Variants in ADAMTSL1 observed in about 807,000 individuals in gnomAD.
ADAMTSL1 encodes the protein ADAMTS-like protein 1.
In ADAMTSL1, 126 loss-of-function variants were observed where a neutral mutation model predicts 201.8. That is an observed-to-expected ratio of 0.62 (90% CI 0.54 to 0.72). ADAMTSL1 has a LOEUF of 0.72. ADAMTSL1 is among the 30% of genes least tolerant of loss of function. ADAMTSL1 has a pLI of 0.00. For missense variants in ADAMTSL1, 2,679 were observed against 2,277.8 expected (o/e 1.18, Z -3.59); for synonymous variants, 1,121 against 903.4 (o/e 1.24, Z -4.32).
intron 1 of ADAMTSL1, among the ~76,000 whole-genome samples, chr9:18,063,583 G>T (rs1006585060): frequency 1.3e-5 from 2 of 152,172 alleles, no homozygotes; most frequent in African/African-American, 4.8e-5. Flanking sequence ...TTAGCGAAGC[G>T]AATGCAGGGA....
At chr9:18,529,699 A>G (rs770368385) in intron 2 of ADAMTSL1, among the ~76,000 whole-genome samples, 17 of 152,182 alleles carry the variant, frequency 1.1e-4, no homozygotes, top group Admixed American at 4.6e-4. Flanking sequence ...ATAGTTCACA[A>G]TTTGATAATG....
chr9:18,382,636 C>T (rs1012502751), intron 2 of ADAMTSL1, among the ~76,000 whole-genome samples: 1 of 151,912 alleles, frequency 6.6e-6, no homozygotes, highest in African/African-American at 2.4e-5. Flanking sequence ...AAATCCAGAG[C>T]CTGTTTAGAG....
chr9:18,162,611 G>T (rs1221107148), intron 1 of ADAMTSL1, among the ~76,000 whole-genome samples: 1 of 151,880 alleles, frequency 6.6e-6, no homozygotes, highest in Non-Finnish European at 1.5e-5. Context: ...CATTATATAT[G>T]TTATAGAAGA....
chr9:18,230,551 A>G (rs1830610349), intron 2 of ADAMTSL1, among the ~76,000 whole-genome samples: 1 of 152,138 alleles, frequency 6.6e-6, no homozygotes, highest in Non-Finnish European at 1.5e-5. Context: ...TGGCTGCCTA[A>G]TAAATAAATT....
At chr9:18,540,064 A>G (rs1355619829) in intron 3 of ADAMTSL1, among the ~76,000 whole-genome samples, 2 of 152,216 alleles carry the variant, frequency 1.3e-5, no homozygotes, top group Non-Finnish European at 2.9e-5. Flanking sequence ...GCTGAGCTTT[A>G]AAAGATGAAA....
intron 4 of ADAMTSL1, among the ~76,000 whole-genome samples, chr9:18,615,936 G>C (rs1259571607): frequency 1.3e-5 from 2 of 152,144 alleles, no homozygotes; most frequent in African/African-American, 4.8e-5. Context: ...AATTTTGCCA[G>C]CCCTGCCCTA....
chr9:18,539,410 A>G (rs1819992160), intron 3 of ADAMTSL1, among the ~76,000 whole-genome samples: 1 of 152,206 alleles, frequency 6.6e-6, no homozygotes, highest in African/African-American at 2.4e-5. Context: ...ACCATGTCTG[A>G]TTCTTTCACC....
intron 14 of ADAMTSL1, among the ~76,000 whole-genome samples, chr9:18,715,965 T>C (rs1832901503): frequency 6.6e-6 from 1 of 151,004 alleles, no homozygotes; most frequent in Non-Finnish European, 1.5e-5. Context: ...TTGAAAAACC[T>C]GAGAAAAACA....
At chr9:18,368,049 G>T (rs533934599) in intron 2 of ADAMTSL1, among the ~76,000 whole-genome samples, 1 of 151,110 alleles carries the variant, frequency 6.6e-6, no homozygotes, top group African/African-American at 2.4e-5. Context: ...ACAGGCGCCC[G>T]CCACCACGCC....
At chr9:17,932,290 G>A (rs553376209) in intron 1 of ADAMTSL1, among the ~76,000 whole-genome samples, 4 of 152,266 alleles carry the variant, frequency 2.6e-5, no homozygotes, top group East Asian at 1.9e-4. Flanking sequence ...ATTCCAGGGC[G>A]GTTGGCCACC....
At chr9:18,036,023 T>C (rs1360176551) in intron 1 of ADAMTSL1, among the ~76,000 whole-genome samples, 1 of 152,098 alleles carries the variant, frequency 6.6e-6, no homozygotes, top group Non-Finnish European at 1.5e-5. Flanking sequence ...GAGATGAGTG[T>C]TTTGTTCCAG....
chr9:18,179,459 A>G (rs537501165), intron 2 of ADAMTSL1, among the ~76,000 whole-genome samples: 1 of 152,318 alleles, frequency 6.6e-6, no homozygotes, highest in East Asian at 1.9e-4. Context: ...TCTGCAGGAT[A>G]TTATCCAGGA....
At chr9:18,675,117 G>A (rs1830061558) in intron 9 of ADAMTSL1, among the ~76,000 whole-genome samples, 1 of 152,092 alleles carries the variant, frequency 6.6e-6, no homozygotes, top group Non-Finnish European at 1.5e-5. Flanking sequence ...GGTCCTAGAG[G>A]TACTAACAAG....
At chr9:18,645,105 T>C (rs1587782233) in intron 7 of ADAMTSL1, among the ~76,000 whole-genome samples, 1 of 152,196 alleles carries the variant, frequency 6.6e-6, no homozygotes, top group Non-Finnish European at 1.5e-5. Context: ...TGGTATCTCA[T>C]TGTGGTTTTG....
At chr9:18,100,636 CT>C (rs1398054149) in intron 1 of ADAMTSL1, among the ~76,000 whole-genome samples, 1 of 152,008 alleles carries the variant, frequency 6.6e-6, no homozygotes, top group Admixed American at 6.6e-5. Flanking sequence ...CTTTGTTTTC[CT>C]TTTTCTGTGA....
chr9:18,461,685 C>T (rs1016295597), intron 2 of ADAMTSL1, among the ~76,000 whole-genome samples: 7 of 152,158 alleles, frequency 4.6e-5, no homozygotes, highest in Admixed American at 6.5e-5. Flanking sequence ...CAGCGCAGAC[C>T]TCAGGAGTGA....
intron 1 of ADAMTSL1, among the ~76,000 whole-genome samples, chr9:18,141,446 G>A (rs1466916410): frequency 2.6e-5 from 4 of 152,032 alleles, no homozygotes; most frequent in East Asian, 3.9e-4. Flanking sequence ...ACAGGGCCTC[G>A]ATTCAAGATT....
intron 23 of ADAMTSL1, among the ~76,000 whole-genome samples, chr9:18,872,131 C>G (rs1827903093): frequency 6.6e-6 from 1 of 150,878 alleles, no homozygotes; most frequent in Admixed American, 6.6e-5. Flanking sequence ...TATCCCTGCT[C>G]TCTGCCTGTA....
At chr9:18,337,026 G>C (rs1586916652) in intron 2 of ADAMTSL1, among the ~76,000 whole-genome samples, 3 of 152,210 alleles carry the variant, frequency 2.0e-5, no homozygotes, top group South Asian at 4.1e-4. Flanking sequence ...TGATTGGATT[G>C]AAGGCTGCAA....
Sources: allele counts gnomAD v4.1 joint callset (sites outside exome capture counted in the v4.1 genomes callset), GRCh38; gene constraint gnomAD v4.1.1; transcripts MANE v1.5; gene names NCBI Gene and HGNC (gene_info 2026-07-23, HGNC 2026-07-21).